The following UGGT2 variants were observed in gnomAD, a reference collection of about 807,000 sequenced individuals.
The protein encoded by UGGT2 is UDP-glucose:glycoprotein glucosyltransferase 2.
UGGT2 carries 180 observed loss-of-function variants against 192.1 expected under a neutral mutation model. That is an observed-to-expected ratio of 0.94 (90% CI 0.83 to 1.06). The LOEUF is 1.06. UGGT2 is among the 50% of genes least tolerant of loss of function. The probability of loss-of-function intolerance (pLI) is 0.00; values close to 1 mark genes in which losing one functional copy is unlikely to be tolerated. For synonymous variants in UGGT2, 580 were observed against 591.0 expected, an observed-to-expected ratio of 0.98 and a Z score of 0.27; for missense variants, 1,849 against 1,795.7, an observed-to-expected ratio of 1.03 and a Z score of -0.54.
At chr13:95,872,369 C>T (rs1172875732) in intron 29 of UGGT2, among the ~76,000 whole-genome samples, 3 of 152,104 alleles carry the variant, frequency 2.0e-5, no homozygotes, top group African/African-American at 7.2e-5. Context: ...AATAATTTAG[C>T]CATGGCTTTA....
intron 16 of UGGT2, among the ~76,000 whole-genome samples, chr13:95,938,344 G>C (rs1305383586): frequency 6.6e-6 from 1 of 152,168 alleles, no homozygotes; most frequent in African/African-American, 2.4e-5. Context: ...GAGTTAAAAA[G>C]TGACTAAATA....
intron 36 of UGGT2, among the ~76,000 whole-genome samples, chr13:95,845,387 G>A (rs1455836445): frequency 1.2e-5 from 1 of 83,124 alleles, no homozygotes; most frequent in Non-Finnish European, 3.0e-5. Flanking sequence ...CTGGTATGCT[G>A]CCTTCAAGCA....
intron 1 of UGGT2, among the ~76,000 whole-genome samples, chr13:96,046,316 C>T (rs982618054): frequency 2.0e-5 from 3 of 152,230 alleles, no homozygotes; most frequent in East Asian, 1.9e-4. Context: ...TTATCTCTCG[C>T]GTTATACAAA....
intron 36 of UGGT2, among the ~76,000 whole-genome samples, chr13:95,846,953 T>C (rs1046792248): frequency 2.0e-5 from 3 of 152,098 alleles, no homozygotes; most frequent in Non-Finnish European, 4.4e-5. Context: ...TTTTTTTTTC[T>C]GATCAGTCTA....
chr13:95,877,461 C>A, intron 28 of UGGT2, 97 bp from the exon 29 acceptor site: 1 of 1,071,410 alleles, frequency 9.3e-7, no homozygotes, highest in Non-Finnish European at 1.3e-6. Context: ...TATTTATTAA[C>A]TGTAGAATGA....
chr13:96,008,246 A>C (rs531222840), intron 5 of UGGT2, among the ~76,000 whole-genome samples: 2 of 152,318 alleles, frequency 1.3e-5, no homozygotes, highest in South Asian at 4.1e-4. Flanking sequence ...CACAGTGAAG[A>C]GCCAATCCAC....
intron 30 of UGGT2, among the ~76,000 whole-genome samples, chr13:95,866,424 T>C (rs1349747389): frequency 6.6e-6 from 1 of 152,154 alleles, no homozygotes; most frequent in African/African-American, 2.4e-5. Flanking sequence ...CTAGAAAAAT[T>C]TGATTTGCAG....
chr13:95,849,782 A>G (rs866837308), intron 36 of UGGT2, among the ~76,000 whole-genome samples: 41 of 151,340 alleles, frequency 2.7e-4, no homozygotes, highest in African/African-American at 9.9e-4. Context: ...TTTGTCACCC[A>G]GGTAGTAAGC....
intron 38 of UGGT2, among the ~76,000 whole-genome samples, chr13:95,814,382 T>C (rs1311601214): frequency 1.3e-5 from 2 of 152,214 alleles, no homozygotes; most frequent in African/African-American, 2.4e-5. Flanking sequence ...ATGTGGGACA[T>C]GGAGTCAAAG....
At chr13:95,864,405 T>G (rs1890450767) in intron 30 of UGGT2, among the ~76,000 whole-genome samples, 1 of 152,208 alleles carries the variant, frequency 6.6e-6, no homozygotes, top group African/African-American at 2.4e-5. Flanking sequence ...ATGTAAAGAT[T>G]AACCACTGAA....
rs762694805 is a variant in UGGT2 at position 95,947,175 on chromosome 13, G to A, written c.1542-3C>T. On this transcript the variant is annotated splice_region_variant and splice_polypyrimidine_tract_variant and intron_variant, in intron 14 of 38. Transcript: ENST00000376747. ...TAAGAATGAACACAAAACCAATTCT[G>A]GAAAAAGAAGATGAACAAGGACTGT... The A allele has an allele frequency of 4.4e-6, 7 of 1,588,804 alleles. No homozygotes were observed. Among genetic ancestry groups the A allele is most frequent in the South Asian group, 1.2e-5 (1 of 86,114 alleles).
At chr13:95,873,225 G>C (rs566511046) in intron 29 of UGGT2, among the ~76,000 whole-genome samples, 22 of 152,264 alleles carry the variant, frequency 1.4e-4, no homozygotes, top group African/African-American at 5.1e-4. Flanking sequence ...TTGAAACCAT[G>C]GCTTTTATAA....
At chr13:95,907,426 G>T (rs1044942311) in intron 20 of UGGT2, among the ~76,000 whole-genome samples, 1 of 146,504 alleles carries the variant, frequency 6.8e-6, no homozygotes, top group Non-Finnish European at 1.5e-5. Context: ...CATGGTGTTT[G>T]AGCTCTGAGA....
At chr13:95,913,537 T>C (rs572173657) in intron 20 of UGGT2, among the ~76,000 whole-genome samples, 20 of 152,294 alleles carry the variant, frequency 1.3e-4, no homozygotes, top group African/African-American at 3.6e-4. Context: ...CACAATGAGA[T>C]ACCATCTCAC....
Position 96,013,345 on chromosome 13 carries a change from T to G in UGGT2, c.622A>C (p.Asn208His). The change falls in exon 5 of 39, where the codon AAT (asparagine) becomes CAT (histidine). Residue 208 changes from asparagine (N) to histidine (H), a missense_variant. Coordinates refer to ENST00000376747, the MANE Select transcript of UGGT2 (RefSeq NM_020121.4). ...CGAAGAACATACAGAATTTCCTCAT[T>G]TTGAGCTTTTTCAGACAATACTTTG... is the stretch of plus-strand genomic sequence containing the variant. ...FHKVLSEKAQ[N>H]EEILYVLRHY... The G allele has an allele frequency of 6.2e-7, 1 of 1,606,302 alleles. No homozygotes were observed. The highest frequency in any genetic ancestry group is 8.5e-7 in the Non-Finnish European group (1 of 1,178,232).
At chr13:95,926,876 G>A (rs968947114) in intron 19 of UGGT2, 152 bp downstream of exon 19, 42 of 698,380 alleles carry the variant, frequency 6.0e-5, no homozygotes, top group Middle Eastern at 4.1e-4. Flanking sequence ...CTCAGCACAC[G>A]TTAAATACTA....
chr13:95,912,965 C>T (rs1482081671), intron 20 of UGGT2, among the ~76,000 whole-genome samples: 1 of 152,238 alleles, frequency 6.6e-6, no homozygotes, highest in East Asian at 1.9e-4. Context: ...TTTGACAAAT[C>T]TGACAAAAAC....
intron 4 of UGGT2, among the ~76,000 whole-genome samples, chr13:96,016,635 G>A (rs2052345956): frequency 6.6e-6 from 1 of 152,230 alleles, no homozygotes; most frequent in Non-Finnish European, 1.5e-5. Flanking sequence ...TTCAGAGGAT[G>A]TATGGAAAAG....
At chr13:96,000,710 G>C (rs2051772376) in intron 5 of UGGT2, among the ~76,000 whole-genome samples, 1 of 152,078 alleles carries the variant, frequency 6.6e-6, no homozygotes, top group African/African-American at 2.4e-5. Context: ...TCCATTATCA[G>C]TTCTGGAAAG....
Sources: gnomAD v4.1 joint callset for allele counts (sites outside exome capture counted in the v4.1 genomes callset) on GRCh38, gnomAD v4.1.1 for gene constraint, MANE v1.5 for transcripts, NCBI Gene and HGNC (gene_info 2026-07-23, HGNC 2026-07-21) for gene names.